Variants in PRMT5 observed in about 807,000 individuals in gnomAD.
PRMT5 encodes protein arginine methyltransferase 5.
In PRMT5, 15 loss-of-function variants were observed where a neutral mutation model predicts 84.0. The ratio of observed to expected loss-of-function variants is 0.18; its 90% CI spans 0.12 to 0.28. PRMT5 has a LOEUF of 0.28. Among genes scored for constraint, PRMT5 ranks in the 10% least tolerant of loss-of-function variants. The pLI is 1.00. For missense variants in PRMT5, 486 were observed against 808.0 expected (o/e 0.60, Z 4.83); for synonymous variants, 276 against 292.4 (o/e 0.94, Z 0.57).
chr14:22,926,271 T>A lies in PRMT5; in HGVS notation c.639A>T (p.Pro213=). The A allele has an allele frequency of 6.2e-7, 1 of 1,613,830 alleles. No individual in the cohort carries two copies. Among genetic ancestry groups the A allele is most frequent in the Non-Finnish European group, 8.5e-7 (1 of 1,179,872 alleles). Residue 213 remains proline, a synonymous_variant, in exon 7 of 17, where the codon CCA becomes CCT. Transcript: ENST00000324366. The stretch of plus-strand genomic sequence containing the variant: ...GCCAGCGATCAATGACATGATTAGA[T>A]GGGAGGTCAGCCCCAATTTCAAGAG... ...AVALEIGADL[P]SNHVIDRWLG...
In PRMT5 at chr14:22,921,149, G is replaced by A. The variant is rs527262369; in HGVS notation, c.1762-93C>T. ...GGTGTGGAGATAAAATGATAAACAT[G>A]ACAAGACTGTCCCAACCCTCATGAA... On this transcript the variant is annotated intron_variant, in intron 16 of 16. Coordinates refer to ENST00000324366, the MANE Select transcript of PRMT5 (RefSeq NM_006109.5). 3.5e-5 allele frequency: 51 copies of A among 1,472,240 alleles called. 1 individual carries two copies. The South Asian group carries it at 6.0e-4, about 17-fold the overall frequency. The allele number at this position is 1,472,240 out of a possible 1,614,324, so 91.2% of individuals were successfully genotyped here. A position where few individuals can be genotyped will look rare whatever the true frequency, so the allele number is the denominator to read the frequency against.
intron 13 of PRMT5, 96 bp from the exon 14 acceptor site, chr14:22,922,931 C>T: frequency 7.1e-7 from 1 of 1,408,030 alleles, no homozygotes; most frequent in Non-Finnish European, 9.9e-7. Flanking sequence ...TTAGTGCTTC[C>T]CCAATCCCTA....
In PRMT5 at chr14:22,928,750, C is replaced by T. The variant is rs1015690531; in HGVS notation, c.111-135G>A. The T allele has an allele frequency of 1.3e-6, 1 of 759,408 alleles. No individual in the cohort carries two copies. Among genetic ancestry groups the T allele is most frequent in the Non-Finnish European group, 2.3e-6 (1 of 428,044 alleles). 47.0% of individuals were successfully genotyped at this position (759,408 alleles called of 1,614,324 possible). On this transcript the variant is annotated intron_variant, in intron 1 of 16. Coordinates refer to ENST00000324366, the MANE Select transcript of PRMT5 (RefSeq NM_006109.5). This position sits in a 1 kb window ranked among gnomAD's most constrained non-coding sequence, Gnocchi z 4.8. ...GTTCAGCCTACTAGGCTGCTGAGTT[C>T]AGACCACCTTGGGGGATATCAACTC...
rs746326415 is a variant in PRMT5 at position 22,924,982 on chromosome 14, G to C, written c.836C>G (p.Ser279Cys). 1.2e-6 allele frequency: 2 copies of C among 1,614,062 alleles called. No individual in the cohort carries two copies. Among genetic ancestry groups the C allele is most frequent in the South Asian group, 2.2e-5 (2 of 91,074 alleles). The change falls in exon 8 of 17, where the codon TCC becomes TGC. Residue 279 changes from serine to cysteine, a missense_variant. This residue lies in a region of PRMT5 where 215 missense variants were observed against 301.1 expected (regional missense o/e 0.71). Coordinates refer to ENST00000324366, the MANE Select transcript of PRMT5 (RefSeq NM_006109.5). This position sits in a 1 kb window ranked among gnomAD's most constrained non-coding sequence, Gnocchi z 6.5. ...TAAGTATTCCAGGTATTGGAGGTAG[G>C]AGCAGAACTCCTTCTCTGAGTGGTG... is the stretch of plus-strand genomic sequence containing the variant. ...TNHHSEKEFC[S>C]YLQYLEYLSQ...
At chr14:22,922,059 A>G in intron 16 of PRMT5, 117 bp downstream of exon 16, 1 of 935,320 alleles carries the variant, frequency 1.1e-6, no homozygotes, top group South Asian at 1.5e-5. Flanking sequence ...ATCCAAGAGC[A>G]TATGAAATCA....
chr14:22,925,563 T>G (rs924763621), intron 7 of PRMT5, among the ~76,000 whole-genome samples: 23 of 151,966 alleles, frequency 1.5e-4, no homozygotes, highest in South Asian at 4.1e-4. Context: ...CCCACGCCTG[T>G]AATCCCAATA....
chr14:22,929,150 C>G, intron 1 of PRMT5, 102 bp downstream of exon 1: 1 of 1,613,988 alleles, frequency 6.2e-7, no homozygotes, highest in Non-Finnish European at 8.5e-7. Flanking sequence ...CCTCCTCATC[C>G]TAGCCGACCC....
At position 22,921,016 on chromosome 14, in the gene PRMT5, C is replaced by T. The variant is rs371423841; in HGVS notation, c.1802G>A (p.Arg601His). 9.9e-6 allele frequency: 16 copies of T among 1,614,176 alleles called. No individual in the cohort carries two copies. Among genetic ancestry groups the T allele is most frequent in the Non-Finnish European group, 1.3e-5 (15 of 1,180,032 alleles). The change falls in exon 17 of 17, where the codon CGT (arginine) becomes CAT (histidine). Residue 601 changes from arginine (R) to histidine (H), a missense_variant. By Grantham distance (29) the Arg-to-His change is conservative (BLOSUM62 0). Transcript: ENST00000324366. ...CTTGGAATTGCTGCATCGCCAGAAA[C>T]GCACACAGATGGTTTGGCCTTCACG... ...TVREGQTICV[R>H]FWRCSNSKKV...
chr14:22,926,305 G>C lies in PRMT5; in HGVS notation c.614-9C>G. ...AGCCCCAATTTCAAGAGCTACATGAGGCAAAAGAAAAACTGTCAACCACTG... is the reference window on the plus strand; with the variant it reads ...AGCCCCAATTTCAAGAGCTACATGACGCAAAAGAAAAACTGTCAACCACTG... On this transcript the variant is annotated splice_polypyrimidine_tract_variant and intron_variant, in intron 6 of 16. Transcript: ENST00000324366. 2 of 1,612,114 alleles carry C rather than the reference G, an allele frequency of 1.2e-6. No individual in the cohort carries two copies. The highest frequency in any genetic ancestry group is 8.5e-7 in the Non-Finnish European group (1 of 1,179,116).
chr14:22,924,438 A>C lies in PRMT5; in HGVS notation c.1076+41T>G, dbSNP rs1440019391. 6.2e-7 allele frequency: 1 copy of C among 1,613,804 alleles called. No homozygotes were observed. Among genetic ancestry groups the C allele is most frequent in the East Asian group, 2.2e-5 (1 of 44,888 alleles). On this transcript the variant is annotated intron_variant, in intron 10 of 16. Transcript: ENST00000324366. The surrounding 1 kb of genome is among the most constrained non-coding windows in gnomAD (Gnocchi z 6.5). ...TCAAGCAGACTTGGCATATACAGAT[A>C]TAGGTATGCAAGTCCCTGAGATTGA...
intron 3 of PRMT5, among the ~76,000 whole-genome samples, chr14:22,927,873 T>G (rs978550059): frequency 2.6e-5 from 4 of 151,990 alleles, no homozygotes; most frequent in African/African-American, 9.7e-5. Flanking sequence ...CATGCCTGGC[T>G]AATTTTTGTA....
chr14:22,926,464 G>T (rs773819456), intron 6 of PRMT5, 42 bp downstream of exon 6: 2 of 1,608,550 alleles, frequency 1.2e-6, no homozygotes, highest in Non-Finnish European at 1.7e-6. Flanking sequence ...TTCACAGGAG[G>T]TAAGAGAAGC....
Position 22,928,740 on chromosome 14 carries a change from CT to C in PRMT5, c.111-126del, listed in dbSNP as rs879198918. ...GCTGCCATCAGTTCAGCCTACTAGG[CT>C]GCTGAGTTCAGACCACCTTGGGGGA... On this transcript the variant is annotated intron_variant, in intron 1 of 16. Transcript: ENST00000324366. The surrounding 1 kb of genome is among the most constrained non-coding windows in gnomAD (Gnocchi z 4.8). 67 of 808,050 alleles carry C rather than the reference CT, an allele frequency of 8.3e-5. No homozygotes were observed. In the South Asian group the frequency reaches 9.2e-4, roughly 11 times the overall value. The allele number at this position is 808,050 out of a possible 1,614,324, so 50.1% of individuals were successfully genotyped here.
Position 22,923,665 on chromosome 14 carries a change from C to T in PRMT5, c.1375+343G>A, listed in dbSNP as rs1047232145. On this transcript the variant is annotated intron_variant, in intron 12 of 16. Coordinates refer to ENST00000324366, the MANE Select transcript of PRMT5 (RefSeq NM_006109.5). This position sits in a 1 kb window ranked among gnomAD's most constrained non-coding sequence, Gnocchi z 5.2. ...AGTAGCTGGGATTACAGGCGTGCAC[C>T]GCCACGCCTGGCTAATTTTTGTATT... 5.3e-5 allele frequency among the ~76,000 whole-genome samples: 8 copies of T among 151,948 alleles called. No homozygotes were observed. Among genetic ancestry groups the T allele is most frequent in the African/African-American group, 1.5e-4 (6 of 41,316 alleles).
chr14:22,922,432 T>C lies in PRMT5; in HGVS notation c.1696+11A>G, dbSNP rs994330929. On this transcript the variant is annotated intron_variant, in intron 15 of 16. Transcript: ENST00000324366. ...CCTCATACTCTGCCATCTACTGCCA[T>C]AGACACTCACTCAGAGTGATGTCCT... 2.2e-5 allele frequency: 35 copies of C among 1,593,310 alleles called. No individual in the cohort carries two copies. The highest frequency in any genetic ancestry group is 2.9e-5 in the Non-Finnish European group (34 of 1,161,094).
chr14:22,921,237 CAG>C, intron 16 of PRMT5, 181 bp from the exon 17 acceptor site: 1 of 718,218 alleles, frequency 1.4e-6, no homozygotes. Context: ...TGAACATGTA[CAG>C]AGTCAGAAAA....
chr14:22,927,142 G>A (rs2044439401), intron 4 of PRMT5, among the ~76,000 whole-genome samples: 1 of 148,812 alleles, frequency 6.7e-6, no homozygotes, highest in South Asian at 2.1e-4. Context: ...CTGGAGTGCA[G>A]TGGTGCAATC....
chr14:22,928,943 A>G lies in PRMT5; in HGVS notation c.110+309T>C. ...AGTTCTGCCCATGCCTCCCCCGTCA[A>G]AATTAGCCTCTTCTCTCCCTTGCCC... On this transcript the variant is annotated intron_variant, in intron 1 of 16. Coordinates refer to ENST00000324366, the MANE Select transcript of PRMT5 (RefSeq NM_006109.5). The surrounding 1 kb of genome is among the most constrained non-coding windows in gnomAD (Gnocchi z 4.8). 1.6e-6 allele frequency: 1 copy of G among 619,564 alleles called. No homozygotes were observed. The highest frequency in any genetic ancestry group is 2.8e-6 in the Non-Finnish European group (1 of 356,904). 38.4% of individuals were successfully genotyped at this position (619,564 alleles called of 1,614,324 possible).
rs972551271 is a variant in PRMT5, at chr14:22,928,951, C to G, written c.110+301G>C. 3.2e-6 allele frequency: 2 copies of G among 631,214 alleles called. No homozygotes were observed. Among genetic ancestry groups the G allele is most frequent in the East Asian group, 5.5e-5 (2 of 36,130 alleles). 39.1% of individuals were successfully genotyped at this position (631,214 alleles called of 1,614,324 possible). ...CCATGCCTCCCCCGTCAAAATTAGC[C>G]TCTTCTCTCCCTTGCCCCCTAACAC... On this transcript the variant is annotated intron_variant, in intron 1 of 16. Coordinates refer to ENST00000324366, the MANE Select transcript of PRMT5 (RefSeq NM_006109.5). This position sits in a 1 kb window ranked among gnomAD's most constrained non-coding sequence, Gnocchi z 4.8.
Sources: allele counts gnomAD v4.1 joint callset (sites outside exome capture counted in the v4.1 genomes callset), GRCh38; gene constraint gnomAD v4.1.1; regional missense constraint gnomAD v4.1.1; non-coding constraint Gnocchi (gnomAD v3.1); transcripts MANE v1.5; gene names NCBI Gene and HGNC (gene_info 2026-07-23, HGNC 2026-07-21).